IRAG1: variants seen among roughly 807,000 people sequenced by gnomAD.
IRAG1 encodes the protein inositol 1,4,5-triphosphate receptor associated 1.
IRAG1 carries 62 observed loss-of-function variants against 106.2 expected under a neutral mutation model. The observed-to-expected ratio is 0.58, with a 90% CI of 0.48 to 0.72. The LOEUF (loss-of-function observed/expected upper bound fraction) is 0.72, where lower values mean the gene tolerates loss of function less well. IRAG1 is among the 30% of genes least tolerant of loss of function. IRAG1 has a pLI of 0.00. For missense variants in IRAG1, 1,064 were observed against 1,140.7 expected, an observed-to-expected ratio of 0.93 and a Z score of 0.97; for synonymous variants, 462 against 443.9, an observed-to-expected ratio of 1.04 and a Z score of -0.51.
intron 1 of IRAG1, among the ~76,000 whole-genome samples, chr11:10,677,999 ATCTC>A (rs199904629): frequency 0.014 from 2,000 of 143,796 alleles, 40 homozygotes; most frequent in African/African-American, 0.047. Context: ...ATCATTATCT[ATCTC>A]TCTATCTGTC....
intron 1 of IRAG1, among the ~76,000 whole-genome samples, chr11:10,671,796 C>A (rs1860250943): frequency 6.6e-6 from 1 of 151,958 alleles, no homozygotes; most frequent in Non-Finnish European, 1.5e-5. Flanking sequence ...AACTTTTACT[C>A]TGAGAGATAT....
In IRAG1 at chr11:10,627,995, G is replaced by C; in HGVS notation, c.683C>G (p.Pro228Arg). 6.2e-7 allele frequency: 1 copy of C among 1,611,376 alleles called. No individual in the cohort carries two copies. The highest frequency in any genetic ancestry group is 1.1e-5 in the South Asian group (1 of 90,832). ...CACCTGTGGTGGTGCTCCAGGCAGA[G>C]GGGATGGCGGGCCACTGCACACATC... is the stretch of plus-strand genomic sequence containing the variant. Reference protein sequence around the residue: ...GLDVCSGPPSPLPGAPPQKGD... With the variant: ...GLDVCSGPPSRLPGAPPQKGD... The change falls in exon 7 of 21, where the codon CCT becomes CGT. Residue 228 changes from proline to arginine, a missense_variant. Coordinates refer to ENST00000423302, the MANE Select transcript of IRAG1 (RefSeq NM_130385.4).
intron 10 of IRAG1, among the ~76,000 whole-genome samples, chr11:10,615,768 AC>A (rs2134450669): frequency 6.6e-6 from 1 of 151,340 alleles, no homozygotes; most frequent in Non-Finnish European, 1.5e-5. Flanking sequence ...AACATCACAC[AC>A]CGGGGCCTGT....
At chr11:10,669,810 C>A (rs1287178948) in intron 1 of IRAG1, among the ~76,000 whole-genome samples, 2 of 152,148 alleles carry the variant, frequency 1.3e-5, no homozygotes, top group Admixed American at 1.3e-4. Context: ...TATCTGGGGG[C>A]AAATCGGTGT....
intron 1 of IRAG1, among the ~76,000 whole-genome samples, chr11:10,653,079 C>A (rs529840484): frequency 2.6e-5 from 4 of 152,250 alleles, no homozygotes; most frequent in East Asian, 3.9e-4. Context: ...CAGGGATAGA[C>A]AATGGACCCA....
At position 10,628,681 on chromosome 11, in the gene IRAG1, A is replaced by G. The variant is rs1856459993; in HGVS notation, c.652+70T>C. ...AGCCTGCAGGCTGGGAGGCATGCTGATCTGTCCAGGCTGAGCTGCCACCCA... is the reference window on the plus strand; with the variant it reads ...AGCCTGCAGGCTGGGAGGCATGCTGGTCTGTCCAGGCTGAGCTGCCACCCA... On this transcript the variant is annotated intron_variant, in intron 6 of 20. Coordinates refer to ENST00000423302, the MANE Select transcript of IRAG1 (RefSeq NM_130385.4). The surrounding 1 kb of genome is among the most constrained non-coding windows in gnomAD (Gnocchi z 4.1). 9 of 1,286,584 alleles carry G rather than the reference A, an allele frequency of 7.0e-6. No individual in the cohort carries two copies. Among genetic ancestry groups the G allele is most frequent in the Non-Finnish European group, 9.5e-6 (9 of 951,646 alleles). The allele number at this position is 1,286,584 out of a possible 1,614,324, so 79.7% of individuals were successfully genotyped here.
chr11:10,649,880 G>A (rs1018112655), intron 2 of IRAG1, among the ~76,000 whole-genome samples: 5 of 152,088 alleles, frequency 3.3e-5, no homozygotes, highest in East Asian at 1.9e-4. Flanking sequence ...ATTAAATAAC[G>A]GATGGTCTCT....
In IRAG1 at chr11:10,626,476, T is replaced by C; in HGVS notation, c.858A>G (p.Ala286=). 1 of 1,613,844 alleles carries C rather than the reference T, an allele frequency of 6.2e-7. No homozygotes were observed. Among genetic ancestry groups the C allele is most frequent in the Non-Finnish European group, 8.5e-7 (1 of 1,179,822 alleles). Reference sequence around the variant, plus strand: ...GATCGAAGTTTTCCTTTTGTTCTATTGCAATCTCTTTGGACTTCTCAACTG... The same window carrying C: ...GATCGAAGTTTTCCTTTTGTTCTATCGCAATCTCTTTGGACTTCTCAACTG... ...PPPVEKSKEI[A]IEQKENFDPL... The change falls in exon 9 of 21, where the codon GCA becomes GCG. Residue 286 remains alanine, a synonymous_variant. Transcript: ENST00000423302.
intron 4 of IRAG1, chr11:10,629,954 C>T: frequency 6.7e-6 from 3 of 448,972 alleles, no homozygotes; most frequent in Non-Finnish European, 1.2e-5. Flanking sequence ...TCTCAGGTTC[C>T]CAGAATTTTC....
intron 2 of IRAG1, among the ~76,000 whole-genome samples, chr11:10,646,680 C>G (rs1004996715): frequency 3.3e-5 from 5 of 152,156 alleles, no homozygotes; most frequent in African/African-American, 4.8e-5. Context: ...TGGAGTGCTG[C>G]AGTGACCTTA....
In IRAG1 at chr11:10,687,570, G is replaced by A. The variant is rs899066114; in HGVS notation, c.67+5966C>T. The A allele has an allele frequency of 1.4e-5, 13 of 917,306 alleles. No individual in the cohort carries two copies. The African/African-American group carries it at 1.8e-4, about 13-fold the overall frequency. The allele number at this position is 917,306 out of a possible 1,614,324, so 56.8% of individuals were successfully genotyped here. A position where few individuals can be genotyped will look rare whatever the true frequency, so the allele number is the denominator to read the frequency against. On this transcript the variant is annotated intron_variant, in intron 1 of 20. Coordinates refer to ENST00000423302, the MANE Select transcript of IRAG1 (RefSeq NM_130385.4). ...AGTCATACGGGTGATATTAGTCTCTGAATTCCCAACAAGCCTTAAAGCTTC... is the reference window on the plus strand; with the variant it reads ...AGTCATACGGGTGATATTAGTCTCTAAATTCCCAACAAGCCTTAAAGCTTC...
Position 10,659,774 on chromosome 11 carries a change from C to T in IRAG1, c.68-7592G>A, listed in dbSNP as rs1354658814. Reference sequence around the variant, plus strand: ...TTCAAAATATGTACAATTGCTCAATCGGAGGCAGTTCAAAGGCACCGAGAA... The same window carrying T: ...TTCAAAATATGTACAATTGCTCAATTGGAGGCAGTTCAAAGGCACCGAGAA... On this transcript the variant is annotated intron_variant, in intron 1 of 20. Transcript: ENST00000423302. The surrounding 1 kb of genome is among the most constrained non-coding windows in gnomAD (Gnocchi z 4.1). 1.3e-5 allele frequency among the ~76,000 whole-genome samples: 2 copies of T among 152,062 alleles called. No homozygotes were observed. The highest frequency in any genetic ancestry group is 6.6e-5 in the Admixed American group (1 of 15,264).
At chr11:10,675,876 C>T (rs1221392538) in intron 1 of IRAG1, among the ~76,000 whole-genome samples, 5 of 152,226 alleles carry the variant, frequency 3.3e-5, no homozygotes, top group Non-Finnish European at 7.3e-5. Flanking sequence ...TAGAGATTCA[C>T]ACCCTGCATT....
intron 1 of IRAG1, among the ~76,000 whole-genome samples, chr11:10,693,281 G>A (rs1019700682): frequency 6.6e-5 from 10 of 152,190 alleles, no homozygotes; most frequent in African/African-American, 2.4e-4. Context: ...ACCCTGAGCT[G>A]TGCACACTTT....
At chr11:10,669,602 C>G (rs990571587) in intron 1 of IRAG1, among the ~76,000 whole-genome samples, 56 of 152,200 alleles carry the variant, frequency 3.7e-4, no homozygotes, top group African/African-American at 1.4e-3. Context: ...AAACTCTGTG[C>G]TGGATGAAGT....
Position 10,576,430 on chromosome 11 carries a change from G to T in IRAG1, c.2641C>A (p.Gln881Lys). The change falls in exon 21 of 21, where the codon CAG becomes AAG. Residue 881 changes from glutamine (Q) to lysine (K), a missense_variant. Transcript: ENST00000423302. ...GATCTTCCAAGGGGCCCATCAGCCTGCTCTGCACAAGAGTTATAGGAATTG... is the reference window on the plus strand; with the variant it reads ...GATCTTCCAAGGGGCCCATCAGCCTTCTCTGCACAAGAGTTATAGGAATTG... ...LYNSYNSCAE[Q>K]ADGPLGRSTC... The T allele has an allele frequency of 6.2e-7, 1 of 1,613,992 alleles. No homozygotes were observed. The highest frequency in any genetic ancestry group is 8.5e-7 in the Non-Finnish European group (1 of 1,179,898).
chr11:10,637,499 C>T (rs886422977), intron 2 of IRAG1, among the ~76,000 whole-genome samples: 4 of 152,122 alleles, frequency 2.6e-5, no homozygotes, highest in East Asian at 1.9e-4. Flanking sequence ...TTTATCCCTC[C>T]GTTCCTATAA....
intron 19 of IRAG1, 70 bp downstream of exon 19, chr11:10,581,797 A>C: frequency 6.4e-7 from 1 of 1,567,160 alleles, no homozygotes; most frequent in Non-Finnish European, 8.6e-7. Context: ...CTAAGAAACA[A>C]GAAAGACCCA....
At chr11:10,619,614 G>A (rs1855684294) in intron 10 of IRAG1, among the ~76,000 whole-genome samples, 1 of 152,214 alleles carries the variant, frequency 6.6e-6, no homozygotes, top group Non-Finnish European at 1.5e-5. Context: ...GCAAGATAGA[G>A]TTCTACAACC....
Sources: gnomAD v4.1 joint callset for allele counts (sites outside exome capture counted in the v4.1 genomes callset) on GRCh38, gnomAD v4.1.1 for gene constraint, Gnocchi (gnomAD v3.1) non-coding constraint, MANE v1.5 for transcripts, NCBI Gene and HGNC (gene_info 2026-07-23, HGNC 2026-07-21) for gene names.